Variants in LDB2 observed in about 807,000 individuals in gnomAD.
The protein encoded by LDB2 is LIM domain-binding protein 2.
Under a neutral mutation model 44.3 loss-of-function variants are expected in LDB2, and 12 were observed. The ratio of observed to expected loss-of-function variants is 0.27; its 90% CI spans 0.17 to 0.44. The LOEUF is 0.44. LDB2 is among the 20% of genes least tolerant of loss of function. The pLI is 1.00. For synonymous variants in LDB2, 164 were observed against 174.8 expected, an observed-to-expected ratio of 0.94 and a Z score of 0.49; for missense variants, 344 against 473.5, an observed-to-expected ratio of 0.73 and a Z score of 2.54.
intron 7 of LDB2, among the ~76,000 whole-genome samples, chr4:16,503,325 G>A (rs766523896): frequency 3.9e-5 from 6 of 152,064 alleles, no homozygotes; most frequent in African/African-American, 7.2e-5. Flanking sequence ...CACGTAAGGT[G>A]CAATTCTGCA....
chr4:16,881,714 T>C (rs946470145), intron 1 of LDB2, among the ~76,000 whole-genome samples: 1 of 151,540 alleles, frequency 6.6e-6, no homozygotes, highest in Non-Finnish European at 1.5e-5. Context: ...CTCAGACAAT[T>C]TCTCATGGCC....
At chr4:16,548,265 C>T (rs1269421628) in intron 5 of LDB2, among the ~76,000 whole-genome samples, 4 of 152,152 alleles carry the variant, frequency 2.6e-5, no homozygotes, top group Non-Finnish European at 4.4e-5. Context: ...GCCCATGTTC[C>T]ATAGTTCACC....
At chr4:16,502,894 T>C in intron 7 of LDB2, 21 bp from the exon 8 acceptor site, 1 of 1,612,012 alleles carries the variant, frequency 6.2e-7, no homozygotes, top group Non-Finnish European at 8.5e-7. Context: ...CAGCTGACAT[T>C]ATTACAGGGA....
chr4:16,870,891 C>G (rs1716373432), intron 1 of LDB2, among the ~76,000 whole-genome samples: 1 of 152,160 alleles, frequency 6.6e-6, no homozygotes, highest in Non-Finnish European at 1.5e-5. Context: ...ACCTCGGCCT[C>G]CCAAAGTGCT....
At chr4:16,646,103 A>G (rs1736726218) in intron 2 of LDB2, among the ~76,000 whole-genome samples, 1 of 152,250 alleles carries the variant, frequency 6.6e-6, no homozygotes, top group Non-Finnish European at 1.5e-5. Flanking sequence ...CTGTTTAAGC[A>G]TTGAAATGAA....
At chr4:16,771,279 T>C (rs1212633558) in intron 1 of LDB2, among the ~76,000 whole-genome samples, 2 of 152,160 alleles carry the variant, frequency 1.3e-5, no homozygotes, top group East Asian at 1.9e-4. Flanking sequence ...AAGACAAATA[T>C]AAGAAACCCA....
At chr4:16,624,663 G>T (rs978824230) in intron 2 of LDB2, among the ~76,000 whole-genome samples, 3 of 152,242 alleles carry the variant, frequency 2.0e-5, no homozygotes, top group Admixed American at 2.0e-4. Flanking sequence ...CTAATGCCAT[G>T]TCTCTTACTG....
intron 1 of LDB2, among the ~76,000 whole-genome samples, chr4:16,774,650 G>C (rs1415821370): frequency 6.6e-6 from 1 of 152,134 alleles, no homozygotes; most frequent in Non-Finnish European, 1.5e-5. Flanking sequence ...GCTCAGAAAG[G>C]TTACTTAATT....
At chr4:16,687,631 C>G (rs1749575653) in intron 2 of LDB2, among the ~76,000 whole-genome samples, 1 of 152,152 alleles carries the variant, frequency 6.6e-6, no homozygotes, top group Non-Finnish European at 1.5e-5. Context: ...TCAGACCCAA[C>G]TGGGAGATGT....
chr4:16,553,038 C>G (rs1412710935), intron 5 of LDB2, among the ~76,000 whole-genome samples: 1 of 152,168 alleles, frequency 6.6e-6, no homozygotes, highest in Non-Finnish European at 1.5e-5. Context: ...CTCCAAATCT[C>G]CATGCATTCT....
At chr4:16,851,746 G>A (rs1289587001) in intron 1 of LDB2, among the ~76,000 whole-genome samples, 2 of 151,870 alleles carry the variant, frequency 1.3e-5, no homozygotes, top group African/African-American at 4.8e-5. Flanking sequence ...ACTGTCTTAA[G>A]AGCAAACAAA....
At chr4:16,733,994 CAT>C (rs1163237258) in intron 2 of LDB2, among the ~76,000 whole-genome samples, 4 of 152,098 alleles carry the variant, frequency 2.6e-5, no homozygotes, top group East Asian at 3.9e-4. Flanking sequence ...GGCAGCCTGA[CAT>C]AGGGAAAAGA....
intron 2 of LDB2, among the ~76,000 whole-genome samples, chr4:16,730,680 C>G (rs758647309): frequency 6.6e-6 from 1 of 152,092 alleles, no homozygotes; most frequent in East Asian, 1.9e-4. Flanking sequence ...AAGCATGGGA[C>G]GGAATCAGGT....
chr4:16,895,768 T>C (rs901344367), intron 1 of LDB2, among the ~76,000 whole-genome samples: 3 of 152,196 alleles, frequency 2.0e-5, no homozygotes, highest in African/African-American at 4.8e-5. Flanking sequence ...CTGAGTATCA[T>C]TGTATTTTAT....
intron 1 of LDB2, among the ~76,000 whole-genome samples, chr4:16,776,449 T>A (rs1459621388): frequency 6.6e-6 from 1 of 152,230 alleles, no homozygotes; most frequent in Non-Finnish European, 1.5e-5. Context: ...AAATTCCATC[T>A]CTTCCAAAGT....
chr4:16,836,187 G>A (rs952603757), intron 1 of LDB2, among the ~76,000 whole-genome samples: 2 of 152,198 alleles, frequency 1.3e-5, no homozygotes, highest in African/African-American at 4.8e-5. Context: ...CCAAAGGTTG[G>A]TCATTCACAA....
At chr4:16,670,357 T>C (rs1457643247) in intron 2 of LDB2, among the ~76,000 whole-genome samples, 1 of 152,184 alleles carries the variant, frequency 6.6e-6, no homozygotes, top group Non-Finnish European at 1.5e-5. Context: ...CTTTCCTCCT[T>C]TCTATGAATG....
At chr4:16,503,272 A>G in intron 7 of LDB2, 1 of 783,560 alleles carries the variant, frequency 1.3e-6, no homozygotes, top group Non-Finnish European at 2.0e-6. Context: ...ACTTTTATTT[A>G]GGGCCTGTGA....
chr4:16,838,333 T>C (rs1481574865), intron 1 of LDB2, among the ~76,000 whole-genome samples: 1 of 152,188 alleles, frequency 6.6e-6, no homozygotes, highest in African/African-American at 2.4e-5. Context: ...CTTTCATTCT[T>C]CCAGGCTTGC....
Sources: gnomAD v4.1 joint callset for allele counts (sites outside exome capture counted in the v4.1 genomes callset) on GRCh38, gnomAD v4.1.1 for gene constraint, MANE v1.5 for transcripts, NCBI Gene and HGNC (gene_info 2026-07-23, HGNC 2026-07-21) for gene names.